Variants in GPM6B observed in about 807,000 individuals in gnomAD.
GPM6B encodes glycoprotein M6B.
In GPM6B, 4 loss-of-function variants were observed where a neutral mutation model predicts 27.2. That is an observed-to-expected ratio of 0.15 (90% confidence interval 0.07 to 0.34). The LOEUF (loss-of-function observed/expected upper bound fraction) is 0.34. GPM6B is among the 10% of genes least tolerant of loss of function. The pLI, the probability that GPM6B is intolerant of heterozygous loss-of-function variation, is 1.00. For synonymous variants in GPM6B, 124 were observed against 103.1 expected, an observed-to-expected ratio of 1.20 and a Z score of -1.23; for missense variants, 183 against 261.9, an observed-to-expected ratio of 0.70 and a Z score of 2.08.
At chrX:13,933,042 C>T (rs1921654217) in intron 1 of GPM6B, among the ~76,000 whole-genome samples, 1 of 109,718 alleles carries the variant, frequency 9.1e-6, no homozygotes, top group Non-Finnish European at 1.9e-5. Flanking sequence ...GTAATTTACC[C>T]TATTTTAGCA....
chrX:13,934,422 C>T (rs1431728978), intron 1 of GPM6B, among the ~76,000 whole-genome samples: 1 of 112,041 alleles, frequency 8.9e-6, no homozygotes, highest in African/African-American at 3.2e-5. Context: ...GTGCTTCTTT[C>T]TGAGTGCAGC....
At chrX:13,806,493 T>C (rs769227474) in intron 2 of GPM6B, among the ~76,000 whole-genome samples, 1 of 112,056 alleles carries the variant, frequency 8.9e-6, no homozygotes, top group South Asian at 3.8e-4. Flanking sequence ...TCACCCTATT[T>C]AGCCAGCGCT....
rs891544942 is a variant in GPM6B, at chrX:13,909,374, C to T, written c.-198+28953G>A. Among the ~76,000 whole-genome samples, 6 of 110,649 alleles carry T rather than the reference C, an allele frequency of 5.4e-5. No individual in the cohort carries two copies. In the South Asian group the frequency reaches 2.3e-3, roughly 43 times the overall value. On this transcript the variant is annotated intron_variant, in intron 1 of 6. Coordinates refer to the GPM6B transcript ENST00000398361. ...CCTGTCCTCAAGTAATCCGCCTGCC[C>T]ACCTAGGCCTCCCAAAGTGCTGGGA...
intron 7 of GPM6B, 98 bp from the exon 8 acceptor site, chrX:13,773,128 G>C: frequency 1.0e-5 from 7 of 702,043 alleles, no homozygotes; most frequent in Non-Finnish European, 1.5e-5. Flanking sequence ...AAGGGGCGAA[G>C]GTTAATTCTG....
intron 1 of GPM6B, among the ~76,000 whole-genome samples, chrX:13,826,559 TACAC>T (rs200245832): frequency 0.18 from 9,688 of 53,153 alleles, 752 homozygotes; most frequent in African/African-American, 0.29. Flanking sequence ...CATACATACA[TACAC>T]ACATACATAC....
chrX:13,809,952 G>GA (rs113730315), intron 1 of GPM6B, among the ~76,000 whole-genome samples: 25 of 80,180 alleles, frequency 3.1e-4, no homozygotes, highest in East Asian at 1.2e-3. Context: ...TCCATCTCAG[G>GA]AAAAAAAAAA....
chrX:13,772,299 G>A lies in GPM6B; in HGVS notation c.*582C>T, dbSNP rs911373245. 8.9e-6 allele frequency: 1 copy of A among 111,809 alleles called. No individual in the cohort carries two copies. Among genetic ancestry groups the A allele is most frequent in the Non-Finnish European group, 1.9e-5 (1 of 53,147 alleles). The allele number at this position is 111,809 out of a possible 1,213,427, so 9.2% of individuals were successfully genotyped here. A position where few individuals can be genotyped will look rare whatever the true frequency, so the allele number is the denominator to read the frequency against. On this transcript the variant is annotated 3_prime_UTR_variant, in exon 8 of 8. Coordinates refer to ENST00000316715, the MANE Select transcript of GPM6B (RefSeq NM_001001995.3). ...ATTATTGAAAAATATATTTCTGATT[G>A]GCTCAGGAAATTAATGGGTCCTGGA... is the stretch of plus-strand genomic sequence containing the variant.
At chrX:13,867,015 T>C (rs2049927490) in intron 1 of GPM6B, among the ~76,000 whole-genome samples, 1 of 112,287 alleles carries the variant, frequency 8.9e-6, no homozygotes, top group Non-Finnish European at 1.9e-5. Context: ...CAGTGACTAT[T>C]ACATGCAAGA....
chrX:13,927,630 C>T (rs1921276457), intron 1 of GPM6B, among the ~76,000 whole-genome samples: 1 of 112,564 alleles, frequency 8.9e-6, no homozygotes. Flanking sequence ...TCAAACAATT[C>T]CTAAAATTTC....
At position 13,822,444 on chromosome X, in the gene GPM6B, T is replaced by C. The variant is rs186353899; in HGVS notation, c.-197-36636A>G. On this transcript the variant is annotated intron_variant, in intron 1 of 6. Transcript: ENST00000398361. ...ACAGTGGTGCAATCTCGGCTCACTG[T>C]AACCTCTGCCTCCCAGGTTCAAGCG... is the stretch of plus-strand genomic sequence containing the variant. Among the ~76,000 whole-genome samples, 805 of 110,809 alleles carry C rather than the reference T, an allele frequency of 7.3e-3. 4 individuals carry two copies. The highest frequency in any genetic ancestry group is 0.019 in the Middle Eastern group (4 of 215).
chrX:13,896,886 G>A (rs1462426348), intron 1 of GPM6B, among the ~76,000 whole-genome samples: 1 of 112,093 alleles, frequency 8.9e-6, no homozygotes, highest in Non-Finnish European at 1.9e-5. Flanking sequence ...AATTTCCTAT[G>A]TTTGCTCTAA....
chrX:13,831,781 T>C (rs1472096394), intron 1 of GPM6B, among the ~76,000 whole-genome samples: 2 of 112,077 alleles, frequency 1.8e-5, no homozygotes, highest in Non-Finnish European at 3.8e-5. Flanking sequence ...CTGAAATTAT[T>C]ATCTTCAGAT....
At chrX:13,869,104 A>G in intron 1 of GPM6B, among the ~76,000 whole-genome samples, 1 of 112,418 alleles carries the variant, frequency 8.9e-6, no homozygotes, top group African/African-American at 3.2e-5. Context: ...ATGAATAAAT[A>G]AATGTGGTCC....
chrX:13,854,517 G>C (rs970050339), intron 1 of GPM6B, among the ~76,000 whole-genome samples: 1 of 111,993 alleles, frequency 8.9e-6, no homozygotes, highest in Admixed American at 9.5e-5. Context: ...GTTTTCTAAT[G>C]CAATTACCTC....
intron 1 of GPM6B, among the ~76,000 whole-genome samples, chrX:13,937,504 G>T (rs1921897402): frequency 9.0e-6 from 1 of 111,703 alleles, no homozygotes; most frequent in Non-Finnish European, 1.9e-5. Context: ...TGACGTCCTC[G>T]TTAGGAATGC....
At chrX:13,864,543 G>A (rs994672876) in intron 1 of GPM6B, among the ~76,000 whole-genome samples, 7 of 112,905 alleles carry the variant, frequency 6.2e-5, no homozygotes, top group African/African-American at 2.3e-4. Flanking sequence ...TTCCAAAAAT[G>A]CAGATTAGAT....
rs2050235421 is a variant in GPM6B, at chrX:13,896,622, C to T, written c.-198+41705G>A. Among the ~76,000 whole-genome samples, 3 of 110,418 alleles carry T rather than the reference C, an allele frequency of 2.7e-5. No homozygotes were observed. The Admixed American group carries it at 2.9e-4, about 11-fold the overall frequency. On this transcript the variant is annotated intron_variant, in intron 1 of 6. Transcript: ENST00000398361. ...GCTCTGTCGCCCAGGCTGGAGTGCA[C>T]AGTGGTGTGATCTCGGCTCACTGCA...
At chrX:13,799,466 C>T (rs1402473351) in intron 2 of GPM6B, among the ~76,000 whole-genome samples, 1 of 107,665 alleles carries the variant, frequency 9.3e-6, no homozygotes, top group East Asian at 2.9e-4. Context: ...CTCCTGACAA[C>T]GAGTAGCCAA....
intron 1 of GPM6B, among the ~76,000 whole-genome samples, chrX:13,844,210 C>T (rs1339724980): frequency 8.9e-6 from 1 of 112,179 alleles, no homozygotes; most frequent in African/African-American, 3.2e-5. Flanking sequence ...TGACTATAAA[C>T]ATAAGGGTTA....
Sources: gnomAD v4.1 joint callset for allele counts (sites outside exome capture counted in the v4.1 genomes callset) on GRCh38, gnomAD v4.1.1 for gene constraint, MANE v1.5 for transcripts, NCBI Gene and HGNC (gene_info 2026-07-23, HGNC 2026-07-21) for gene names.